MXD3: variants seen among roughly 807,000 people sequenced by gnomAD.
MXD3 encodes MAX dimerization protein 3.
Under a neutral mutation model 27.5 loss-of-function variants are expected in MXD3, and 20 were observed. That is an observed-to-expected ratio of 0.73 (90% CI 0.51 to 1.06). The LOEUF is 1.06. Ranked by LOEUF, MXD3 falls within the 50% of genes least tolerant of loss-of-function variation. The pLI, the probability that MXD3 is intolerant of heterozygous loss-of-function variation, is 0.00. For missense variants in MXD3, 298 were observed against 291.3 expected (o/e 1.02, Z -0.17); for synonymous variants, 150 against 130.7 (o/e 1.15, Z -1.01).
At chr5:177,308,836 G>T (rs965315621) in intron 4 of MXD3, among the ~76,000 whole-genome samples, 6 of 152,188 alleles carry the variant, frequency 3.9e-5, no homozygotes, top group Non-Finnish European at 7.3e-5. Context: ...GAGCGTGAAG[G>T]CGTTAGCACC....
chr5:177,306,573 A>T (rs1401182451), downstream of MXD3: 2 of 1,608,522 alleles, frequency 1.2e-6, no homozygotes, highest in South Asian at 2.2e-5. Context: ...TTGTGTAGCC[A>T]GTCTACCACC....
intron 4 of MXD3, 120 bp from the exon 5 acceptor site, chr5:177,308,084 G>A (rs1031953440): frequency 6.0e-6 from 6 of 994,086 alleles, no homozygotes; most frequent in Admixed American, 2.9e-5. Context: ...GGCAGGTGGC[G>A]ACTAAATCCA....
intron 2 of MXD3, 63 bp downstream of exon 2, chr5:177,311,316 G>A (rs1011853657): frequency 1.1e-5 from 13 of 1,158,074 alleles, no homozygotes; most frequent in Middle Eastern, 2.9e-4. Context: ...GTGGGCAGAG[G>A]AGGGCCCGAC....
downstream of MXD3, chr5:177,305,831 A>G (rs771894774): frequency 1.3e-6 from 2 of 1,574,220 alleles, no homozygotes; most frequent in Non-Finnish European, 1.7e-6. Context: ...AGTTGGCAAA[A>G]TGAAAGACTG....
chr5:177,310,970 G>T (rs1470574532), intron 2 of MXD3: 1 of 588,960 alleles, frequency 1.7e-6, no homozygotes. Flanking sequence ...CCTCCCAGAG[G>T]TGACAGCTAA....
At chr5:177,306,704 T>A (rs1760887502), downstream of MXD3, 5 of 1,315,850 alleles carry the variant, frequency 3.8e-6, no homozygotes, top group South Asian at 1.4e-5. Context: ...GGATGCAGTT[T>A]GGCATCTGCA....
chr5:177,310,588 C>T (rs1418103838), intron 3 of MXD3, 48 bp from the exon 4 acceptor site: 22 of 1,612,778 alleles, frequency 1.4e-5, no homozygotes, highest in Non-Finnish European at 1.8e-5. Flanking sequence ...CCTTGCCGGC[C>T]ACAGGAATGG....
At chr5:177,311,700 C>G (rs1330890627) in intron 1 of MXD3, 61 bp downstream of exon 1, 12 of 1,538,532 alleles carry the variant, frequency 7.8e-6, no homozygotes, top group East Asian at 2.3e-5. Context: ...GGAGCCAGGT[C>G]CAGTCCAGGC....
chr5:177,310,949 G>T, intron 2 of MXD3: 1 of 596,472 alleles, frequency 1.7e-6, no homozygotes, highest in Admixed American at 3.0e-5. Flanking sequence ...CTGCCAGCTG[G>T]CCAGAAAGGA....
At chr5:177,308,907 A>G (rs1279212606) in intron 4 of MXD3, among the ~76,000 whole-genome samples, 2 of 152,216 alleles carry the variant, frequency 1.3e-5, no homozygotes, top group Non-Finnish European at 2.9e-5. Context: ...CAAGGACTGG[A>G]AGGCCAAGGG....
Position 177,307,902 on chromosome 5 carries a change from C to T in MXD3, c.384G>A (p.Gln128=), listed in dbSNP as rs756507644. 6.3e-7 allele frequency: 1 copy of T among 1,599,708 alleles called. No individual in the cohort carries two copies. Among genetic ancestry groups the T allele is most frequent in the Non-Finnish European group, 8.5e-7 (1 of 1,173,822 alleles). The stretch of plus-strand genomic sequence containing the variant: ...GCTGCTCCAGCTGCCGCTGCAGGCT[C>T]TGCTGCTTGCTGCGCAGCCTCTCCT... The part of the protein sequence containing the change: ...QLKERLRSKQ[Q]SLQRQLEQLR... Residue 128 remains glutamine, a synonymous_variant, in exon 5 of 6, where the codon CAG becomes CAA. Coordinates refer to ENST00000439742, the MANE Select transcript of MXD3 (RefSeq NM_031300.4).
In MXD3 at chr5:177,311,498, T is replaced by C. The variant is rs1761037986; in HGVS notation, c.71-14A>G. On this transcript the variant is annotated splice_polypyrimidine_tract_variant and intron_variant, in intron 1 of 5. Transcript: ENST00000439742. ...CATGCTCGGCCTCTGCCAGAGAGAG[T>C]CCCCGCCCGCGTCAGGCTGGGGCTG... 2.8e-6 allele frequency: 4 copies of C among 1,422,282 alleles called. No individual in the cohort carries two copies. Among genetic ancestry groups the C allele is most frequent in the Non-Finnish European group, 3.7e-6 (4 of 1,086,160 alleles). The allele number at this position is 1,422,282 out of a possible 1,614,324, so 88.1% of individuals were successfully genotyped here. A position where few individuals can be genotyped will look rare whatever the true frequency, so the allele number is the denominator to read the frequency against.
chr5:177,305,886 T>C (rs887178898), downstream of MXD3: 2 of 1,613,952 alleles, frequency 1.2e-6, no homozygotes, highest in Admixed American at 1.7e-5. Flanking sequence ...GGAGGAACGA[T>C]GTGTTTACTG....
rs767390946 is a variant in MXD3, at chr5:177,311,861, G to A, written c.-31C>T. ...CGACAGCTGGCGGCGGGCCGGCCTA[G>A]GGTGCCGGCCGGAGCAAGCGGCTGC... is the stretch of plus-strand genomic sequence containing the variant. On this transcript the variant is annotated 5_prime_UTR_variant, in exon 1 of 6. Coordinates refer to ENST00000439742, the MANE Select transcript of MXD3 (RefSeq NM_031300.4). 1 of 1,604,450 alleles carries A rather than the reference G, an allele frequency of 6.2e-7. No homozygotes were observed. The highest frequency in any genetic ancestry group is 1.1e-5 in the South Asian group (1 of 90,182).
chr5:177,308,395 CAG>C (rs1760948138), intron 4 of MXD3, among the ~76,000 whole-genome samples: 1 of 150,694 alleles, frequency 6.6e-6, no homozygotes, highest in South Asian at 2.1e-4. Flanking sequence ...TTTTTTGAAA[CAG>C]AGTCTCGCTC....
At chr5:177,310,613 C>T in intron 3 of MXD3, 55 bp downstream of exon 3, 7 of 1,613,596 alleles carry the variant, frequency 4.3e-6, no homozygotes, top group Non-Finnish European at 5.9e-6. Flanking sequence ...GGAGGGAAGG[C>T]CAGAGGGCAG....
At position 177,307,375 on chromosome 5, in the gene MXD3, G is replaced by A; in HGVS notation, c.*213C>T. ...AGCTGCCTGCCCTGCAGGGGTCCAGGGAGGTCCTGATGAGTCCTGCCCCTT... is the reference window on the plus strand; with the variant it reads ...AGCTGCCTGCCCTGCAGGGGTCCAGAGAGGTCCTGATGAGTCCTGCCCCTT... On this transcript the variant is annotated 3_prime_UTR_variant, in exon 6 of 6. Coordinates refer to ENST00000439742, the MANE Select transcript of MXD3 (RefSeq NM_031300.4). 8 of 1,509,318 alleles carry A rather than the reference G, an allele frequency of 5.3e-6. No individual in the cohort carries two copies. The highest frequency in any genetic ancestry group is 7.2e-6 in the Non-Finnish European group (8 of 1,113,640). The allele number at this position is 1,509,318 out of a possible 1,614,324, so 93.5% of individuals were successfully genotyped here.
At chr5:177,305,967 G>A (rs1760860982), downstream of MXD3, 1 of 1,614,102 alleles carries the variant, frequency 6.2e-7, no homozygotes, top group Non-Finnish European at 8.5e-7. Context: ...CTTATTTGGT[G>A]TCTCCAGAGC....
upstream of MXD3, chr5:177,312,548 G>C: frequency 3.0e-6 from 3 of 985,462 alleles, no homozygotes; most frequent in Non-Finnish European, 2.4e-6. Flanking sequence ...GGCGGACCCG[G>C]CTCCTGCCCT....
Sources: allele counts gnomAD v4.1 joint callset (sites outside exome capture counted in the v4.1 genomes callset), GRCh38; gene constraint gnomAD v4.1.1; transcripts MANE v1.5; gene names NCBI Gene and HGNC (gene_info 2026-07-23, HGNC 2026-07-21).